The following SENP5 variants were observed in gnomAD, a reference collection of about 807,000 sequenced individuals.
SENP5 encodes sentrin-specific protease 5.
In SENP5, 21 loss-of-function variants were observed where a neutral mutation model predicts 74.2. That is an observed-to-expected ratio of 0.28 (90% CI 0.20 to 0.41). SENP5 has a LOEUF of 0.41. Ranked by LOEUF, SENP5 falls within the 10% of genes least tolerant of loss-of-function variation. The pLI is 1.00. For missense variants in SENP5, 717 were observed against 889.1 expected, an observed-to-expected ratio of 0.81 and a Z score of 2.46; for synonymous variants, 311 against 312.7, an observed-to-expected ratio of 0.99 and a Z score of 0.06.
intron 1 of SENP5, among the ~76,000 whole-genome samples, chr3:196,873,629 A>G (rs1713320376): frequency 6.6e-6 from 1 of 151,654 alleles, no homozygotes; most frequent in Admixed American, 6.6e-5. Flanking sequence ...TTGCGAGGTC[A>G]GGAGATCAAG....
chr3:196,886,005 A>T lies in SENP5; in HGVS notation c.824A>T (p.His275Leu), dbSNP rs371202510. Reference sequence around the variant, plus strand: ...TGGGTACAGAAAGTCACTGGGGACCATCAAGAGACCCGTAGGGAGAACGGT... The same window carrying T: ...TGGGTACAGAAAGTCACTGGGGACCTTCAAGAGACCCGTAGGGAGAACGGT... ...RSWVQKVTGD[H>L]QETRRENGEG... Residue 275 changes from histidine (H) to leucine (L), a missense_variant, in exon 2 of 10, where the codon CAT (histidine) becomes CTT (leucine). Physicochemically the swap from His to Leu is moderately conservative, Grantham distance 99. Transcript: ENST00000323460. The T allele has an allele frequency of 6.2e-7, 1 of 1,614,236 alleles. No homozygotes were observed. The highest frequency in any genetic ancestry group is 8.5e-7 in the Non-Finnish European group (1 of 1,180,046).
chr3:196,871,208 G>A (rs981394037), intron 1 of SENP5, among the ~76,000 whole-genome samples: 2 of 152,094 alleles, frequency 1.3e-5, no homozygotes, highest in African/African-American at 4.8e-5. Flanking sequence ...TAACACATAG[G>A]TTGTCTAATA....
At chr3:196,902,641 G>A (rs1042570411) in intron 5 of SENP5, among the ~76,000 whole-genome samples, 3 of 152,212 alleles carry the variant, frequency 2.0e-5, no homozygotes, top group Non-Finnish European at 4.4e-5. Flanking sequence ...GAGAACCACA[G>A]TGCTAAGGGA....
intron 1 of SENP5, among the ~76,000 whole-genome samples, chr3:196,883,900 C>T (rs1159800869): frequency 6.6e-6 from 1 of 152,082 alleles, no homozygotes. Flanking sequence ...CCATGTTGGC[C>T]AGTCTGGTCT....
At chr3:196,880,905 T>C (rs1015601102) in intron 1 of SENP5, among the ~76,000 whole-genome samples, 4 of 151,906 alleles carry the variant, frequency 2.6e-5, no homozygotes, top group African/African-American at 4.8e-5. Context: ...CCTCCCAAAG[T>C]GTTGGGATTA....
intron 2 of SENP5, among the ~76,000 whole-genome samples, chr3:196,894,991 C>G (rs536304680): frequency 6.6e-6 from 1 of 152,136 alleles, no homozygotes; most frequent in Non-Finnish European, 1.5e-5. Context: ...TTCTTAGATA[C>G]TGTATACCTT....
In SENP5 at chr3:196,868,238, C is replaced by G. The variant is rs557012294; in HGVS notation, c.-32+165C>G. ...CCGCCGTCCGTCTCGGCCACAGCCTCCCTTTCCGGGGGAGGCGAGCGAGCT... is the reference window on the plus strand; with the variant it reads ...CCGCCGTCCGTCTCGGCCACAGCCTGCCTTTCCGGGGGAGGCGAGCGAGCT... On this transcript the variant is annotated intron_variant, in intron 1 of 9. Transcript: ENST00000323460. Among the ~76,000 whole-genome samples, 7 of 152,236 alleles carry G rather than the reference C, an allele frequency of 4.6e-5. No homozygotes were observed. The South Asian group carries it at 1.4e-3, about 32-fold the overall frequency.
chr3:196,930,430 A>C (rs1715993108), intron 9 of SENP5, among the ~76,000 whole-genome samples: 1 of 152,200 alleles, frequency 6.6e-6, no homozygotes, highest in African/African-American at 2.4e-5. Flanking sequence ...GTAAATGCTT[A>C]AAACAGTGTA....
At chr3:196,927,200 AG>A (rs1389497924) in intron 7 of SENP5, among the ~76,000 whole-genome samples, 1 of 152,184 alleles carries the variant, frequency 6.6e-6, no homozygotes, top group African/African-American at 2.4e-5. Flanking sequence ...AGAATATCTA[AG>A]GCTGGAATAT....
At position 196,931,227 on chromosome 3, in the gene SENP5, A is replaced by G. The variant is rs1355913801; in HGVS notation, c.*304A>G. On this transcript the variant is annotated 3_prime_UTR_variant, in exon 10 of 10. Transcript: ENST00000323460. The stretch of plus-strand genomic sequence containing the variant: ...TGAAGAGTATTAAAAAAAAAAGCTT[A>G]GTAGATTTGGTGCAGCTTTTGAAAC... 3.6e-5 allele frequency: 8 copies of G among 222,354 alleles called. No individual in the cohort carries two copies. The Admixed American group carries it at 4.3e-4, about 12-fold the overall frequency. 13.8% of individuals were successfully genotyped at this position (222,354 alleles called of 1,614,324 possible).
At chr3:196,900,485 C>T (rs9810317) in intron 5 of SENP5, 73 bp downstream of exon 5, 637,492 of 1,311,430 alleles carry the variant, frequency 0.49, 160,144 homozygotes, top group South Asian at 0.58. Flanking sequence ...TTTGTTTTTA[C>T]ATTTGATGTA....
Position 196,886,103 on chromosome 3 carries a change from C to T in SENP5, c.922C>T (p.Pro308Ser). The T allele has an allele frequency of 1.2e-6, 2 of 1,614,234 alleles. No individual in the cohort carries two copies. Among genetic ancestry groups the T allele is most frequent in the Non-Finnish European group, 1.7e-6 (2 of 1,180,042 alleles). The change falls in exon 2 of 10, where the codon CCA (proline) becomes TCA (serine). Residue 308 changes from proline to serine, a missense_variant. Coordinates refer to ENST00000323460, the MANE Select transcript of SENP5 (RefSeq NM_152699.5). Reference protein sequence around the residue: ...DPSCRHQPYFPDMDSSAVVKG... With the variant: ...DPSCRHQPYFSDMDSSAVVKG... ...TTCTTGTCGGCATCAGCCGTACTTTCCAGATATGGACAGCAGTGCTGTGGT... is the reference window on the plus strand; with the variant it reads ...TTCTTGTCGGCATCAGCCGTACTTTTCAGATATGGACAGCAGTGCTGTGGT...
chr3:196,934,357 T>G lies in SENP5; in HGVS notation c.*3434T>G, dbSNP rs968122198. 1 of 152,242 alleles carries G rather than the reference T, an allele frequency of 6.6e-6. No individual in the cohort carries two copies. The highest frequency in any genetic ancestry group is 2.4e-5 in the African/African-American group (1 of 41,456). 9.4% of individuals were successfully genotyped at this position (152,242 alleles called of 1,614,324 possible). A position where few individuals can be genotyped will look rare whatever the true frequency, so the allele number is the denominator to read the frequency against. Reference sequence around the variant, plus strand: ...CCCTGGGCTAGCCATAACGGGGTTCTGGGCAGGTCAGACTCTTCAGCAAGA... The same window carrying G: ...CCCTGGGCTAGCCATAACGGGGTTCGGGGCAGGTCAGACTCTTCAGCAAGA... On this transcript the variant is annotated 3_prime_UTR_variant, in exon 10 of 10. Transcript: ENST00000323460.
chr3:196,885,048 T>G, intron 1 of SENP5, 103 bp from the exon 2 acceptor site: 1 of 660,094 alleles, frequency 1.5e-6, no homozygotes, highest in Non-Finnish European at 2.6e-6. Flanking sequence ...AATTGAAGTA[T>G]ATGTACTCTT....
In SENP5 at chr3:196,931,522, T is replaced by C. The variant is rs1307148583; in HGVS notation, c.*599T>C. The C allele has an allele frequency of 4.9e-6, 1 of 203,216 alleles. No homozygotes were observed. Among genetic ancestry groups the C allele is most frequent in the African/African-American group, 2.4e-5 (1 of 41,804 alleles). The allele number at this position is 203,216 out of a possible 1,614,324, so 12.6% of individuals were successfully genotyped here. A position where few individuals can be genotyped will look rare whatever the true frequency, so the allele number is the denominator to read the frequency against. Reference sequence around the variant, plus strand: ...GTCGTAAACTGACTGGTGTCTTCTGTTTCTGGAGGCACACTTGTAAGCACA... The same window carrying C: ...GTCGTAAACTGACTGGTGTCTTCTGCTTCTGGAGGCACACTTGTAAGCACA... On this transcript the variant is annotated 3_prime_UTR_variant, in exon 10 of 10. Transcript: ENST00000323460.
intron 6 of SENP5, among the ~76,000 whole-genome samples, chr3:196,922,611 G>T (rs1189579219): frequency 6.6e-6 from 1 of 151,986 alleles, no homozygotes; most frequent in Admixed American, 6.6e-5. Flanking sequence ...ACCACACCTG[G>T]CTGATTTTTT....
chr3:196,903,763 T>C (rs533845999), intron 6 of SENP5, among the ~76,000 whole-genome samples, 153 bp downstream of exon 6: 10 of 152,394 alleles, frequency 6.6e-5, no homozygotes, highest in South Asian at 6.2e-4. Context: ...TTAAATCTTA[T>C]TGTTTGAAAG....
chr3:196,876,837 C>T (rs1345453563), intron 1 of SENP5, among the ~76,000 whole-genome samples: 1 of 151,992 alleles, frequency 6.6e-6, no homozygotes, highest in Non-Finnish European at 1.5e-5. Context: ...TGCACCAGTG[C>T]ACTCCAGCCT....
chr3:196,913,672 T>G (rs1282825382), intron 6 of SENP5, among the ~76,000 whole-genome samples: 1 of 126,638 alleles, frequency 7.9e-6, no homozygotes, highest in Admixed American at 7.9e-5. Context: ...TTTTTTTTGA[T>G]GGAGTGTTGC....
Sources: allele counts gnomAD v4.1 joint callset (sites outside exome capture counted in the v4.1 genomes callset), GRCh38; gene constraint gnomAD v4.1.1; transcripts MANE v1.5; gene names NCBI Gene and HGNC (gene_info 2026-07-23, HGNC 2026-07-21).